The following PZP variants were observed in gnomAD, a reference collection of about 807,000 sequenced individuals.
The protein encoded by PZP is PZP alpha-2-macroglobulin like, also known as pregnancy zone protein.
Under a neutral mutation model 179.8 loss-of-function variants are expected in PZP, and 150 were observed. The ratio of observed to expected loss-of-function variants is 0.83; its 90% CI spans 0.73 to 0.96. The LOEUF is 0.96. Among genes scored for constraint, PZP ranks in the 40% least tolerant of loss-of-function variants. The pLI, the probability that PZP is intolerant of heterozygous loss-of-function variation, is 0.00. For synonymous variants in PZP, 624 were observed against 652.3 expected (o/e 0.96, Z 0.66); for missense variants, 1,689 against 1,764.0 (o/e 0.96, Z 0.76).
Position 9,168,874 on chromosome 12 carries a change from T to C in PZP, c.2102A>G (p.Tyr701Cys). Reference sequence around the variant, plus strand: ...AAAGCAAATTGCTGTTTTACCTCCATAGTATCCTTGACCTACTGCTCCTGC... The same window carrying C: ...AAAGCAAATTGCTGTTTTACCTCCACAGTATCCTTGACCTACTGCTCCTGC... ...VSAGAVGQGY[Y>C]GAGLGVVERP... The change falls in exon 17 of 36, where the codon TAT becomes TGT. Residue 701 changes from tyrosine (Y) to cysteine (C), a missense_variant. By Grantham distance (194) the Tyr-to-Cys change is radical. This residue lies in a region of PZP where 201 missense variants were observed against 284.2 expected (regional missense o/e 0.71). Coordinates refer to ENST00000261336, the MANE Select transcript of PZP (RefSeq NM_002864.3). 2 of 1,611,904 alleles carry C rather than the reference T, an allele frequency of 1.2e-6. No homozygotes were observed. Among genetic ancestry groups the C allele is most frequent in the South Asian group, 1.1e-5 (1 of 90,876 alleles).
intron 28 of PZP, 88 bp from the exon 29 acceptor site, chr12:9,154,927 G>A: frequency 7.7e-7 from 1 of 1,296,248 alleles, no homozygotes; most frequent in South Asian, 1.4e-5. Flanking sequence ...ATAATACATG[G>A]AGCTGAAAAT....
intron 7 of PZP, among the ~76,000 whole-genome samples, chr12:9,199,714 C>T (rs2121197287): frequency 6.6e-6 from 1 of 152,058 alleles, no homozygotes; most frequent in Non-Finnish European, 1.5e-5. Context: ...CTATGGCTTG[C>T]TTTAAAATAT....
In PZP at chr12:9,197,011, C is replaced by T. The variant is rs1219333208; in HGVS notation, c.867+1G>A. 1 of 1,594,494 alleles carries T rather than the reference C, an allele frequency of 6.3e-7. No homozygotes were observed. Among genetic ancestry groups the T allele is most frequent in the African/African-American group, 1.3e-5 (1 of 74,550 alleles). On this transcript the variant is annotated splice_donor_variant, in intron 8 of 35. Transcript: ENST00000261336. LOFTEE classifies it high-confidence loss of function. ...ACTGAGGGAGAATACCGCCTACTAA[C>T]CTGTTGACTGAATTCCTCACAGACC... is the stretch of plus-strand genomic sequence containing the variant.
At chr12:9,201,264 A>G in intron 5 of PZP, 63 bp downstream of exon 5, 1 of 1,418,994 alleles carries the variant, frequency 7.0e-7, no homozygotes. Flanking sequence ...CTAGAGTATT[A>G]TCAGAACCTC....
chr12:9,197,617 TTTATATATTATA>T lies in PZP; in HGVS notation c.756-506_756-495del, dbSNP rs1309253232. Among the ~76,000 whole-genome samples the T allele has an allele frequency of 6.5e-5, 6 of 92,974 alleles. No individual in the cohort carries two copies. The East Asian group carries it at 8.4e-4, about 13-fold the overall frequency. 61.0% of individuals were successfully genotyped at this position (92,974 alleles called of 152,430 possible). On this transcript the variant is annotated intron_variant, in intron 7 of 35. Transcript: ENST00000261336. ...ATATAAATATAATATATATTATATA[TTTATATATTATA>T]TTATATATTATATTATATAATATAA...
intron 20 of PZP, 47 bp downstream of exon 20, chr12:9,164,086 C>T: frequency 6.4e-7 from 1 of 1,565,014 alleles, no homozygotes. Context: ...ACTCAGACAG[C>T]CACCGTCCTT....
intron 16 of PZP, 48 bp from the exon 17 acceptor site, chr12:9,169,022 T>C: frequency 7.5e-7 from 1 of 1,341,458 alleles, no homozygotes; most frequent in Middle Eastern, 1.8e-4. Flanking sequence ...GATTAGAATA[T>C]ATAAAACATA....
intron 7 of PZP, among the ~76,000 whole-genome samples, chr12:9,199,687 A>C (rs750239435): frequency 2.0e-5 from 3 of 152,198 alleles, no homozygotes; most frequent in African/African-American, 4.8e-5. Flanking sequence ...TTAAACCTCT[A>C]AGATATTTAT....
At position 9,203,853 on chromosome 12, in the gene PZP, G is replaced by A. The variant is rs773132184; in HGVS notation, c.182C>T (p.Ala61Val). The A allele has an allele frequency of 1.2e-6, 2 of 1,614,122 alleles. No homozygotes were observed. Among genetic ancestry groups the A allele is most frequent in the Non-Finnish European group, 1.7e-6 (2 of 1,180,010 alleles). ...GTTTTCCCTGCCAGACTCCAAGGAAGCACTTACAGTCACTGTCTCATTCAG... is the reference window on the plus strand; with the variant it reads ...GTTTTCCCTGCCAGACTCCAAGGAAACACTTACAGTCACTGTCTCATTCAG... Reference protein sequence around the residue: ...SHLNETVTVSASLESGRENRS... With the variant: ...SHLNETVTVSVSLESGRENRS... Residue 61 changes from alanine (A) to valine (V), a missense_variant, in exon 2 of 36, where the codon GCT becomes GTT. Around this residue, in one of 3 missense-constraint regions of PZP, gnomAD observed 742 missense variants for 730.5 expected, o/e 1.02. Coordinates refer to ENST00000261336, the MANE Select transcript of PZP (RefSeq NM_002864.3).
intron 19 of PZP, among the ~76,000 whole-genome samples, 187 bp from the exon 20 acceptor site, chr12:9,164,446 T>A (rs1037574804): frequency 5.3e-5 from 8 of 152,216 alleles, no homozygotes; most frequent in Admixed American, 2.6e-4. Flanking sequence ...ATTGGTTGTG[T>A]ATTAGGAGGA....
chr12:9,167,023 T>A (rs1319941117), intron 17 of PZP: 1 of 152,226 alleles, frequency 6.6e-6, no homozygotes, highest in African/African-American at 2.4e-5. Context: ...AACAGTTTTC[T>A]CCACTGAAGA....
At chr12:9,185,843 C>T (rs1943077296) in intron 13 of PZP, among the ~76,000 whole-genome samples, 1 of 46,432 alleles carries the variant, frequency 2.2e-5, no homozygotes, top group African/African-American at 8.4e-5. Context: ...GAGTCTCACT[C>T]TGTCACCAGG....
chr12:9,198,387 CA>C (rs1450852320), intron 7 of PZP, among the ~76,000 whole-genome samples: 2 of 152,132 alleles, frequency 1.3e-5, no homozygotes, highest in Non-Finnish European at 2.9e-5. Flanking sequence ...TATTTTCTAT[CA>C]TTCTTCTTTA....
chr12:9,183,064 G>A (rs1565650284), intron 13 of PZP, among the ~76,000 whole-genome samples: 1 of 152,096 alleles, frequency 6.6e-6, no homozygotes, highest in Non-Finnish European at 1.5e-5. Flanking sequence ...AAATAATGTA[G>A]GACAAGGACA....
chr12:9,149,109 T>G (rs959255779), intron 35 of PZP, 115 bp from the exon 36 acceptor site: 62 of 901,334 alleles, frequency 6.9e-5, no homozygotes, highest in Non-Finnish European at 1.8e-6. Flanking sequence ...AAAGGCCAGA[T>G]GGTAATTATT....
the PZP span, among the ~76,000 whole-genome samples, chr12:9,138,046 G>A: frequency 5.9e-5 from 9 of 151,878 alleles, no homozygotes; most frequent in Non-Finnish European, 4.4e-5. Flanking sequence ...CTAGGGCTTT[G>A]GTTCTATATT....
At chr12:9,192,413 G>T in intron 12 of PZP, 99 bp downstream of exon 12, 1 of 1,288,678 alleles carries the variant, frequency 7.8e-7, no homozygotes, top group South Asian at 1.3e-5. Flanking sequence ...AGAACACAAG[G>T]TGGCTGTGTG....
chr12:9,203,750 T>C lies in PZP; in HGVS notation c.267+18A>G, dbSNP rs1944308058. On this transcript the variant is annotated intron_variant, in intron 2 of 35. Coordinates refer to ENST00000261336, the MANE Select transcript of PZP (RefSeq NM_002864.3). ...AATGTATCAAGCAGGGATAGCCAGC[T>C]GGCACCGTAGCACTCACAGTGAAGG... 6.2e-7 allele frequency: 1 copy of C among 1,613,496 alleles called. No individual in the cohort carries two copies. The highest frequency in any genetic ancestry group is 1.7e-5 in the Admixed American group (1 of 59,960).
intron 13 of PZP, among the ~76,000 whole-genome samples, chr12:9,186,896 T>C (rs1943158230): frequency 6.6e-6 from 1 of 151,726 alleles, no homozygotes; most frequent in African/African-American, 2.4e-5. Context: ...AAATACCTAA[T>C]ATAGATGACA....
Sources: allele counts gnomAD v4.1 joint callset (sites outside exome capture counted in the v4.1 genomes callset), GRCh38; gene constraint gnomAD v4.1.1; regional missense constraint gnomAD v4.1.1; transcripts MANE v1.5; gene names NCBI Gene and HGNC (gene_info 2026-07-23, HGNC 2026-07-21).